The following RHCE variants were observed in gnomAD, a reference collection of about 807,000 sequenced individuals.
RHCE encodes the protein blood group Rh(CE) polypeptide.
Under a neutral mutation model 43.8 loss-of-function variants are expected in RHCE, and 22 were observed. The observed-to-expected ratio is 0.50, with a 90% CI of 0.36 to 0.72. The LOEUF is 0.72. Among genes scored for constraint, RHCE ranks in the 30% least tolerant of loss-of-function variants. RHCE has a pLI of 0.00. For synonymous variants in RHCE, 156 were observed against 210.7 expected, an observed-to-expected ratio of 0.74 and a Z score of 2.25; for missense variants, 385 against 525.4, an observed-to-expected ratio of 0.73 and a Z score of 2.61.
At chr1:25,369,641 T>C (rs1557595868) in intron 9 of RHCE, among the ~76,000 whole-genome samples, 1 of 151,136 alleles carries the variant, frequency 6.6e-6, no homozygotes. Flanking sequence ...GACCTCAGAC[T>C]CCTGTACTAC....
chr1:25,405,771 T>C (rs1571901869), intron 2 of RHCE, among the ~76,000 whole-genome samples: 1 of 123,342 alleles, frequency 8.1e-6, no homozygotes, highest in African/African-American at 2.5e-5. Context: ...AACAACAACG[T>C]TGAATAAGAT....
chr1:25,403,875 T>C (rs1646831680), intron 2 of RHCE, among the ~76,000 whole-genome samples: 1 of 151,852 alleles, frequency 6.6e-6, no homozygotes, highest in Admixed American at 6.6e-5. Context: ...TTTTAAATTT[T>C]AACCCTATAA....
chr1:25,391,475 C>G (rs768234112), intron 4 of RHCE, among the ~76,000 whole-genome samples: 54 of 151,872 alleles, frequency 3.6e-4, no homozygotes. Context: ...GCTTGAGCCA[C>G]CACGCCTGGC....
intron 7 of RHCE, among the ~76,000 whole-genome samples, chr1:25,384,795 T>C (rs1314922326): frequency 2.0e-5 from 3 of 152,324 alleles, no homozygotes; most frequent in South Asian, 2.1e-4. Flanking sequence ...CCGGGTGACC[T>C]TGGGCAGATA....
At chr1:25,397,128 A>T (rs1330234416) in intron 3 of RHCE, among the ~76,000 whole-genome samples, 1 of 148,622 alleles carries the variant, frequency 6.7e-6, no homozygotes. Context: ...AAAAAAAAAA[A>T]AAAAAGAAAT....
At chr1:25,394,606 T>A (rs185698900) in intron 3 of RHCE, among the ~76,000 whole-genome samples, 52 of 152,338 alleles carry the variant, frequency 3.4e-4, no homozygotes, top group Non-Finnish European at 5.7e-4. Flanking sequence ...CAGTCTTTCC[T>A]TCTGGAACAG....
intron 1 of RHCE, chr1:25,411,234 T>C: frequency 7.1e-7 from 1 of 1,405,340 alleles, no homozygotes; most frequent in Non-Finnish European, 9.5e-7. Flanking sequence ...TTCTGGGACA[T>C]CCGAAGGAAA....
At chr1:25,367,951 G>C (rs1231219579) in intron 9 of RHCE, among the ~76,000 whole-genome samples, 3 of 150,504 alleles carry the variant, frequency 2.0e-5, no homozygotes, top group Non-Finnish European at 2.9e-5. Context: ...TTACGGTGTG[G>C]GTGGCGGAGT....
intron 9 of RHCE, 38 bp from the exon 10 acceptor site, chr1:25,362,591 C>A: frequency 7.1e-7 from 1 of 1,402,464 alleles, no homozygotes; most frequent in African/African-American, 1.5e-5. Context: ...TGCAGATGAA[C>A]CCACATACTG....
At chr1:25,375,751 GTCCTTTAACCTCTCAGAGCCTCCAGTT>G (rs1395485989) in intron 7 of RHCE, among the ~76,000 whole-genome samples, 1 of 146,368 alleles carries the variant, frequency 6.8e-6, no homozygotes, top group Non-Finnish European at 1.5e-5. Context: ...CCCTGGGCAA[GTCCTTTAACCTCTCAGAGCCTCCAGTT>G]TTCTCTCTCT....
rs376509301 is a variant in RHCE, at chr1:25,392,103, G to A, written c.525C>T (p.Phe175=). 2.4e-5 allele frequency: 38 copies of A among 1,614,020 alleles called. No homozygotes were observed. Among genetic ancestry groups the A allele is most frequent in the East Asian group, 1.3e-4 (6 of 44,894 alleles). ...YHMNLRHFYV[F]AAYFGLTVAW... ...CCACAGTCAGCCCAAAATAGGCTGC[G>A]AACACGTAGAAGTGCCTCAGGTTCA... is the stretch of plus-strand genomic sequence containing the variant. Residue 175 remains phenylalanine (F), a synonymous_variant, in exon 4 of 10, where the codon TTC becomes TTT. Coordinates refer to ENST00000294413, the MANE Select transcript of RHCE (RefSeq NM_020485.8).
chr1:25,402,879 C>T (rs1391627077), intron 2 of RHCE, 133 bp from the exon 3 acceptor site: 14 of 1,301,716 alleles, frequency 1.1e-5, no homozygotes, highest in Non-Finnish European at 1.5e-5. Context: ...AAGATTTCTA[C>T]CCACCTGGGC....
At chr1:25,380,025 G>C (rs904504537) in intron 7 of RHCE, among the ~76,000 whole-genome samples, 6 of 149,118 alleles carry the variant, frequency 4.0e-5, no homozygotes, top group Middle Eastern at 3.4e-3. Flanking sequence ...AAATTCCAAA[G>C]TCCATGGTCT....
chr1:25,423,203 A>G (rs1273635946), upstream of RHCE, among the ~76,000 whole-genome samples: 1 of 152,050 alleles, frequency 6.6e-6, no homozygotes, highest in African/African-American at 2.4e-5. Flanking sequence ...TCTCTGCTCT[A>G]TTTCTGGCAG....
intron 1 of RHCE, among the ~76,000 whole-genome samples, chr1:25,420,390 C>G (rs2042734546): frequency 6.6e-6 from 1 of 152,028 alleles, no homozygotes; most frequent in East Asian, 1.9e-4. Context: ...TGAGGAACAC[C>G]AAAGAGGATG....
At chr1:25,417,557 T>C (rs1425374629) in intron 1 of RHCE, among the ~76,000 whole-genome samples, 2 of 152,148 alleles carry the variant, frequency 1.3e-5, no homozygotes, top group African/African-American at 2.4e-5. Flanking sequence ...AATTTCAAAT[T>C]ATCAAGAAGA....
chr1:25,408,718 C>G lies in RHCE; in HGVS notation c.300G>C (p.Gln100His), dbSNP rs749211308. The G allele has an allele frequency of 2.3e-6, 3 of 1,282,714 alleles. No homozygotes were observed. The highest frequency in any genetic ancestry group is 2.1e-6 in the Non-Finnish European group (2 of 962,746). The allele number at this position is 1,282,714 out of a possible 1,614,324, so 79.5% of individuals were successfully genotyped here. A position where few individuals can be genotyped will look rare whatever the true frequency, so the allele number is the denominator to read the frequency against. ...TGATGACCACCTTCCCAGGAGGGAA[C>G]TGGCTCAGGAAGCCGTCCAGCAGGA... ...WAILLDGFLS[Q>H]FPPGKVVITL... is the part of the protein sequence containing the mutation. Residue 100 changes from glutamine to histidine, a missense_variant, in exon 2 of 10, where the codon CAG (glutamine) becomes CAC (histidine). Around this residue, in one of 6 missense-constraint regions of RHCE, gnomAD observed 110 missense variants for 192.1 expected, o/e 0.57. Transcript: ENST00000294413.
intron 3 of RHCE, among the ~76,000 whole-genome samples, 183 bp from the exon 4 acceptor site, chr1:25,392,324 C>T (rs1571873564): frequency 6.6e-6 from 1 of 152,158 alleles, no homozygotes; most frequent in South Asian, 2.1e-4. Context: ...TGCAATGGCA[C>T]GATCTCGGCT....
exon 1 of RHCE, chr1:25,430,178 A>C (rs1050240248): frequency 2.0e-5 from 3 of 151,912 alleles, no homozygotes; most frequent in Admixed American, 2.0e-4. Context: ...GCACCGCCGC[A>C]CACGCCCCGG....
Sources: allele counts gnomAD v4.1 joint callset (sites outside exome capture counted in the v4.1 genomes callset), GRCh38; gene constraint gnomAD v4.1.1; regional missense constraint gnomAD v4.1.1; transcripts MANE v1.5; gene names NCBI Gene and HGNC (gene_info 2026-07-23, HGNC 2026-07-21).